The following KCNMB1 variants were observed in gnomAD, a reference collection of about 807,000 sequenced individuals.
KCNMB1 encodes the protein potassium calcium-activated channel subfamily M regulatory beta subunit 1, also known as calcium-activated potassium channel subunit beta-1.
Under a neutral mutation model 21.7 loss-of-function variants are expected in KCNMB1, and 22 were observed. The observed-to-expected ratio is 1.01, with a 90% CI of 0.72 to 1.45. The LOEUF (loss-of-function observed/expected upper bound fraction) is 1.45, where lower values mean the gene tolerates loss of function less well. Among genes scored for constraint, KCNMB1 ranks in the 40% most tolerant of loss-of-function variants. The pLI is 0.00. For missense variants in KCNMB1, 243 were observed against 243.4 expected (o/e 1.00, Z 0.01); for synonymous variants, 114 against 107.6 (o/e 1.06, Z -0.37).
intron 1 of KCNMB1, among the ~76,000 whole-genome samples, chr5:170,389,035 C>T (rs915767347): frequency 6.6e-6 from 1 of 152,180 alleles, no homozygotes; most frequent in African/African-American, 2.4e-5. Flanking sequence ...GAACTGGGAC[C>T]TAGAGGGCCA....
chr5:170,380,573 T>C (rs192024435), intron 3 of KCNMB1, among the ~76,000 whole-genome samples: 3,977 of 152,318 alleles, frequency 0.026, 115 homozygotes, highest in African/African-American at 0.066. Flanking sequence ...GAAATGCAGA[T>C]GCTGCACTCA....
Position 170,378,893 on chromosome 5 carries a change from C to A in KCNMB1, c.387G>T (p.Glu129Asp). Residue 129 changes from glutamate (E) to aspartate (D), a missense_variant, in exon 4 of 4, where the codon GAG (glutamate) becomes GAT (aspartate). Glu to Asp is a conservative substitution (Grantham distance 45, BLOSUM62 2). Coordinates refer to ENST00000274629, the MANE Select transcript of KCNMB1 (RefSeq NM_004137.4). Reference sequence around the variant, plus strand: ...CGGAGAAGCAGTAGAAGACCTGCTGCTCTTGGAATTTGGCTCTGACCTTCT... The same window carrying A: ...CGGAGAAGCAGTAGAAGACCTGCTGATCTTGGAATTTGGCTCTGACCTTCT... ...DVEKVRAKFQ[E>D]QQVFYCFSAP... 6.2e-7 allele frequency: 1 copy of A among 1,614,248 alleles called. No individual in the cohort carries two copies. Among genetic ancestry groups the A allele is most frequent in the Admixed American group, 1.7e-5 (1 of 60,032 alleles).
chr5:170,383,961 G>A, intron 2 of KCNMB1, 111 bp from the exon 3 acceptor site: 3 of 1,132,194 alleles, frequency 2.6e-6, no homozygotes, highest in East Asian at 5.2e-5. Context: ...CCAGGACTGG[G>A]ATCCTCATCT....
chr5:170,386,265 A>T (rs1764468884), intron 1 of KCNMB1, among the ~76,000 whole-genome samples: 1 of 152,238 alleles, frequency 6.6e-6, no homozygotes, highest in Admixed American at 6.5e-5. Flanking sequence ...GAGAAAGCTA[A>T]GGTGATATGA....
At position 170,376,121 on chromosome 5, in the gene KCNMB1, T is replaced by C. The variant is rs1360727350; in HGVS notation, c.*2583A>G. ...CAGATAACATTGTCAGTATAACTTC[T>C]GGAAGTTTCTGAGTATTCATGACTT... On this transcript the variant is annotated 3_prime_UTR_variant, in exon 4 of 4. Coordinates refer to ENST00000274629, the MANE Select transcript of KCNMB1 (RefSeq NM_004137.4). The C allele has an allele frequency of 6.6e-6, 1 of 151,136 alleles. No homozygotes were observed. The highest frequency in any genetic ancestry group is 2.0e-4 in the East Asian group (1 of 5,126). The allele number at this position is 151,136 out of a possible 1,614,324, so 9.4% of individuals were successfully genotyped here. A position where few individuals can be genotyped will look rare whatever the true frequency, so the allele number is the denominator to read the frequency against.
intron 1 of KCNMB1, among the ~76,000 whole-genome samples, chr5:170,389,003 T>A (rs1035173264): frequency 3.3e-5 from 5 of 152,198 alleles, no homozygotes; most frequent in Non-Finnish European, 7.3e-5. Context: ...ATCTCCAGGC[T>A]GCAGCCTTCT....
chr5:170,375,834 T>C lies in KCNMB1; in HGVS notation c.*2870A>G, dbSNP rs1201342105. On this transcript the variant is annotated 3_prime_UTR_variant, in exon 4 of 4. Transcript: ENST00000274629. Reference sequence around the variant, plus strand: ...AAATTTGTTTCATGCCAAAACTCTATGGAAAGATACTATTATCAGTTTCGT... The same window carrying C: ...AAATTTGTTTCATGCCAAAACTCTACGGAAAGATACTATTATCAGTTTCGT... 1 of 152,224 alleles carries C rather than the reference T, an allele frequency of 6.6e-6. No homozygotes were observed. The highest frequency in any genetic ancestry group is 1.5e-5 in the Non-Finnish European group (1 of 68,036). The allele number at this position is 152,224 out of a possible 1,614,324, so 9.4% of individuals were successfully genotyped here.
At chr5:170,381,603 A>G (rs1561595051) in intron 3 of KCNMB1, among the ~76,000 whole-genome samples, 1 of 152,208 alleles carries the variant, frequency 6.6e-6, no homozygotes, top group African/African-American at 2.4e-5. Context: ...CAGCTCCTGC[A>G]GCCTGCTATC....
At chr5:170,387,298 C>A (rs1429473492) in intron 1 of KCNMB1, among the ~76,000 whole-genome samples, 1 of 152,142 alleles carries the variant, frequency 6.6e-6, no homozygotes, top group Admixed American at 6.5e-5. Flanking sequence ...TAGCCAGTGT[C>A]CGGGTGACAG....
chr5:170,387,671 T>C (rs1419704959), intron 1 of KCNMB1, among the ~76,000 whole-genome samples: 1 of 152,226 alleles, frequency 6.6e-6, no homozygotes, highest in Non-Finnish European at 1.5e-5. Flanking sequence ...ATTCAACTCT[T>C]TTTATTCAAT....
At chr5:170,387,865 A>G (rs886990352) in intron 1 of KCNMB1, among the ~76,000 whole-genome samples, 5 of 152,136 alleles carry the variant, frequency 3.3e-5, no homozygotes, top group Non-Finnish European at 5.9e-5. Flanking sequence ...ACTTGGCCCC[A>G]CCCCAGATAC....
At chr5:170,385,247 G>A in intron 2 of KCNMB1, 67 bp downstream of exon 2, 1 of 1,568,864 alleles carries the variant, frequency 6.4e-7, no homozygotes, top group Non-Finnish European at 8.8e-7. Flanking sequence ...AGAAGGCCAG[G>A]GTTCCTTACA....
intron 3 of KCNMB1, 66 bp downstream of exon 3, chr5:170,383,613 G>A (rs759468702): frequency 6.4e-7 from 1 of 1,571,710 alleles, no homozygotes; most frequent in Non-Finnish European, 8.7e-7. Context: ...GACAGGGACA[G>A]TTAGGAACAG....
chr5:170,388,359 G>A (rs758914914), intron 1 of KCNMB1, among the ~76,000 whole-genome samples: 34 of 152,208 alleles, frequency 2.2e-4, no homozygotes, highest in Non-Finnish European at 1.5e-4. Flanking sequence ...AACCTTTGGC[G>A]GGAGGAAGGA....
At chr5:170,380,458 C>A (rs1009775884) in intron 3 of KCNMB1, among the ~76,000 whole-genome samples, 3 of 152,250 alleles carry the variant, frequency 2.0e-5, no homozygotes, top group Admixed American at 6.5e-5. Flanking sequence ...CAGGCCTCGG[C>A]CACTCCCTGG....
intron 3 of KCNMB1, chr5:170,383,431 G>A: frequency 1.6e-6 from 1 of 609,100 alleles, no homozygotes; most frequent in South Asian, 1.9e-5. Context: ...ACTTTACAAG[G>A]GTGGAAACTG....
chr5:170,383,617 G>A (rs767402967), intron 3 of KCNMB1, 62 bp downstream of exon 3: 10 of 1,581,730 alleles, frequency 6.3e-6, no homozygotes, highest in Admixed American at 1.7e-5. Flanking sequence ...GGGACAGTTA[G>A]GAACAGGCTC....
At chr5:170,386,083 C>T (rs1764458822) in intron 1 of KCNMB1, among the ~76,000 whole-genome samples, 1 of 151,276 alleles carries the variant, frequency 6.6e-6, no homozygotes, top group Non-Finnish European at 1.5e-5. Context: ...CAGAGATGCG[C>T]CACTGCACTC....
In KCNMB1 at chr5:170,375,330, G is replaced by A. The variant is rs1490274785; in HGVS notation, c.*3374C>T. On this transcript the variant is annotated 3_prime_UTR_variant, in exon 4 of 4. Transcript: ENST00000274629. ...GAAGGAAAAAATTCCAGGGAATGATGAGCTGCCTGCCTTTGGAAGGAAGGT... is the reference window on the plus strand; with the variant it reads ...GAAGGAAAAAATTCCAGGGAATGATAAGCTGCCTGCCTTTGGAAGGAAGGT... 6.6e-6 allele frequency: 1 copy of A among 152,226 alleles called. No individual in the cohort carries two copies. The highest frequency in any genetic ancestry group is 1.5e-5 in the Non-Finnish European group (1 of 68,044). 9.4% of individuals were successfully genotyped at this position (152,226 alleles called of 1,614,324 possible). A position where few individuals can be genotyped will look rare whatever the true frequency, so the allele number is the denominator to read the frequency against.
Sources: allele counts gnomAD v4.1 joint callset (sites outside exome capture counted in the v4.1 genomes callset), GRCh38; gene constraint gnomAD v4.1.1; transcripts MANE v1.5; gene names NCBI Gene and HGNC (gene_info 2026-07-23, HGNC 2026-07-21).